ALG6: variants seen among roughly 807,000 people sequenced by gnomAD.
The protein encoded by ALG6 is ALG6 alpha-1,3-glucosyltransferase, also known as dolichyl pyrophosphate Man9GlcNAc2 alpha-1,3-glucosyltransferase.
ALG6 carries 46 observed loss-of-function variants against 66.6 expected under a neutral mutation model. The ratio of observed to expected loss-of-function variants is 0.69; its 90% CI spans 0.55 to 0.88. ALG6 has a LOEUF of 0.88. Ranked by LOEUF, ALG6 falls within the 40% of genes least tolerant of loss-of-function variation. ALG6 has a pLI of 0.00. For missense variants in ALG6, 505 were observed against 586.8 expected, an observed-to-expected ratio of 0.86 and a Z score of 1.44; for synonymous variants, 185 against 203.7, an observed-to-expected ratio of 0.91 and a Z score of 0.78.
chr1:63,415,980 T>C (rs747192891), intron 11 of ALG6, 23 bp downstream of exon 11: 98 of 1,480,292 alleles, frequency 6.6e-5, no homozygotes, highest in Non-Finnish European at 9.2e-5. Context: ...TTACTTTAGA[T>C]ACTTAATTCT....
At position 63,411,233 on chromosome 1, in the gene ALG6, C is replaced by T. The variant is rs1161112219; in HGVS notation, c.582C>T (p.Cys194=). The T allele has an allele frequency of 6.2e-7, 1 of 1,613,896 alleles. No individual in the cohort carries two copies. Among genetic ancestry groups the T allele is most frequent in the Non-Finnish European group, 8.5e-7 (1 of 1,179,894 alleles). ...ACCTCCTAGGGTCACTGGCATTTTGCTTAGCTATAAATTATAAACAGATGG... is the reference window on the plus strand; with the variant it reads ...ACCTCCTAGGGTCACTGGCATTTTGTTTAGCTATAAATTATAAACAGATGG... ...DCDLLGSLAF[C]LAINYKQMEL... is the part of the protein sequence containing the mutation. The change falls in exon 8 of 15, where the codon TGC becomes TGT. Residue 194 remains cysteine (C), a synonymous_variant. Coordinates refer to ENST00000263440, the MANE Select transcript of ALG6 (RefSeq NM_013339.4).
At chr1:63,381,569 C>T (rs1198928186) in intron 2 of ALG6, among the ~76,000 whole-genome samples, 1 of 151,552 alleles carries the variant, frequency 6.6e-6, no homozygotes, top group Admixed American at 6.6e-5. Context: ...CCCTTGAGCC[C>T]AGAAGGTCAA....
intron 1 of ALG6, among the ~76,000 whole-genome samples, chr1:63,370,041 C>T (rs1647862085): frequency 6.6e-6 from 1 of 152,032 alleles, no homozygotes; most frequent in South Asian, 2.1e-4. Context: ...TGGTCTTGAA[C>T]TCCTGACCTC....
At chr1:63,387,734 G>A (rs1570044410) in intron 2 of ALG6, among the ~76,000 whole-genome samples, 1 of 151,552 alleles carries the variant, frequency 6.6e-6, no homozygotes, top group East Asian at 1.9e-4. Context: ...AAAAGACGAG[G>A]TTTTGCCGTG....
chr1:63,434,065 A>C (rs1397158755), intron 14 of ALG6, among the ~76,000 whole-genome samples: 1 of 152,208 alleles, frequency 6.6e-6, no homozygotes, highest in Non-Finnish European at 1.5e-5. Context: ...AGGGAAAGAA[A>C]TAATAGGACC....
chr1:63,415,993 C>T lies in ALG6; in HGVS notation c.987+36C>T, dbSNP rs143618025. On this transcript the variant is annotated intron_variant, in intron 11 of 14. Coordinates refer to ENST00000263440, the MANE Select transcript of ALG6 (RefSeq NM_013339.4). ...CATTACTTTAGATACTTAATTCTTGCCACAACTGATCTTTTAAAAATTATT... is the reference window on the plus strand; with the variant it reads ...CATTACTTTAGATACTTAATTCTTGTCACAACTGATCTTTTAAAAATTATT... 7.8e-4 allele frequency: 1,074 copies of T among 1,385,030 alleles called. 5 individuals carry two copies. In the African/African-American group the frequency reaches 0.011, roughly 14 times the overall value. The allele number at this position is 1,385,030 out of a possible 1,614,324, so 85.8% of individuals were successfully genotyped here.
intron 2 of ALG6, among the ~76,000 whole-genome samples, chr1:63,373,393 A>G (rs1279997345): frequency 6.6e-6 from 1 of 151,052 alleles, no homozygotes; most frequent in African/African-American, 2.4e-5. Flanking sequence ...GCCTGAGCTC[A>G]GGAGTTCAAG....
chr1:63,433,639 G>C lies in ALG6; in HGVS notation c.1327-3184G>C, dbSNP rs570702790. ...GCCCTATTGTGATATTCACAATCTG[G>C]TCCAGTAATCTTAAGGTGAGGACCG... On this transcript the variant is annotated intron_variant, in intron 14 of 14. Coordinates refer to ENST00000263440, the MANE Select transcript of ALG6 (RefSeq NM_013339.4). This position sits in a 1 kb window ranked among gnomAD's most constrained non-coding sequence, Gnocchi z 4.2. Among the ~76,000 whole-genome samples, 1 of 152,268 alleles carries C rather than the reference G, an allele frequency of 6.6e-6. No individual in the cohort carries two copies. The highest frequency in any genetic ancestry group is 2.1e-4 in the South Asian group (1 of 4,824).
At position 63,419,413 on chromosome 1, in the gene ALG6, A is replaced by G. The variant is rs759123745; in HGVS notation, c.1031A>G (p.His344Arg). The change falls in exon 12 of 15, where the codon CAT (histidine) becomes CGT (arginine). Residue 344 changes from histidine to arginine, a missense_variant. Coordinates refer to ENST00000263440, the MANE Select transcript of ALG6 (RefSeq NM_013339.4). ...TTCTTTTTATTTTCTTTCCAAGTAC[A>G]TGAAAAATCCATTCTCTTGGTGTCA... ...LSFFLFSFQV[H>R]EKSILLVSLP... is the part of the protein sequence containing the mutation. 8 of 1,609,480 alleles carry G rather than the reference A, an allele frequency of 5.0e-6. No individual in the cohort carries two copies. The highest frequency in any genetic ancestry group is 6.8e-6 in the Non-Finnish European group (8 of 1,177,738).
At chr1:63,389,372 C>G (rs1334408915) in intron 2 of ALG6, among the ~76,000 whole-genome samples, 1 of 152,174 alleles carries the variant, frequency 6.6e-6, no homozygotes, top group African/African-American at 2.4e-5. Flanking sequence ...TTGAGAGACT[C>G]TGATGCATTC....
At chr1:63,425,939 A>G (rs1383051701) in intron 12 of ALG6, among the ~76,000 whole-genome samples, 2 of 152,186 alleles carry the variant, frequency 1.3e-5, no homozygotes, top group Non-Finnish European at 2.9e-5. Context: ...TGGAATATCC[A>G]AAAGGCAGGA....
chr1:63,404,630 C>A, intron 5 of ALG6, 89 bp downstream of exon 5: 2 of 1,078,338 alleles, frequency 1.9e-6, no homozygotes, highest in Non-Finnish European at 2.8e-6. Context: ...TTCTTACTGA[C>A]TTTAAAATTG....
At chr1:63,368,728 T>G (rs1647811117) in intron 1 of ALG6, among the ~76,000 whole-genome samples, 1 of 152,156 alleles carries the variant, frequency 6.6e-6, no homozygotes, top group Non-Finnish European at 1.5e-5. Flanking sequence ...CTCGAACTCC[T>G]GACCTCAGGT....
chr1:63,421,054 T>C (rs1241952509), intron 12 of ALG6, among the ~76,000 whole-genome samples: 8 of 150,180 alleles, frequency 5.3e-5, no homozygotes, highest in East Asian at 2.0e-4. Flanking sequence ...TAGACACTTA[T>C]TAAAAAAAAA....
At chr1:63,399,398 G>T (rs1644432664) in intron 3 of ALG6, among the ~76,000 whole-genome samples, 1 of 152,146 alleles carries the variant, frequency 6.6e-6, no homozygotes, top group Admixed American at 6.5e-5. Context: ...AAGGGGAGGG[G>T]ATTGTATGCA....
chr1:63,411,765 T>G (rs563912540), intron 8 of ALG6, among the ~76,000 whole-genome samples, 161 bp from the exon 9 acceptor site: 1 of 152,352 alleles, frequency 6.6e-6, no homozygotes, highest in South Asian at 2.1e-4. Flanking sequence ...TGTGAATTTT[T>G]TACCTCTGAT....
intron 12 of ALG6, among the ~76,000 whole-genome samples, chr1:63,421,472 G>A: frequency 6.6e-6 from 1 of 152,136 alleles, no homozygotes; most frequent in South Asian, 2.1e-4. Flanking sequence ...CCATTACTGA[G>A]TATATACCCA....
intron 14 of ALG6, among the ~76,000 whole-genome samples, chr1:63,432,259 TG>T (rs71045900): frequency 0.01 from 325 of 31,424 alleles, 3 homozygotes; most frequent in African/African-American, 0.057. Flanking sequence ...TGGTCATGTG[TG>T]TTTTTTTTCT....
intron 2 of ALG6, among the ~76,000 whole-genome samples, chr1:63,395,904 G>A (rs559249707): frequency 7.0e-4 from 107 of 152,270 alleles, no homozygotes; most frequent in African/African-American, 2.5e-3. Flanking sequence ...GGATGATTGT[G>A]CCTGTACTGA....
Sources: allele counts gnomAD v4.1 joint callset (sites outside exome capture counted in the v4.1 genomes callset), GRCh38; gene constraint gnomAD v4.1.1; non-coding constraint Gnocchi (gnomAD v3.1); transcripts MANE v1.5; gene names NCBI Gene and HGNC (gene_info 2026-07-23, HGNC 2026-07-21).